The following BABAM2 variants were observed in gnomAD, a reference collection of about 807,000 sequenced individuals.
BABAM2 encodes the protein BRISC and BRCA1 A complex member 2, also known as BRISC and BRCA1-A complex member 2.
In BABAM2, 31 loss-of-function variants were observed where a neutral mutation model predicts 54.7. That is an observed-to-expected ratio of 0.57 (90% CI 0.43 to 0.77). The LOEUF is 0.77. Among genes scored for constraint, BABAM2 ranks in the 30% least tolerant of loss-of-function variants. The pLI is 0.00. For missense variants in BABAM2, 364 were observed against 455.8 expected (o/e 0.80, Z 1.83); for synonymous variants, 167 against 162.9 (o/e 1.03, Z -0.19).
intron 6 of BABAM2, among the ~76,000 whole-genome samples, chr2:28,128,768 A>C (rs569982502): frequency 1.4e-3 from 209 of 152,204 alleles, no homozygotes; most frequent in Middle Eastern, 6.8e-3. Context: ...GCCAAAGTAG[A>C]TGTGTACCTA....
intron 2 of BABAM2, among the ~76,000 whole-genome samples, chr2:27,928,054 C>T (rs908140259): frequency 6.6e-6 from 1 of 151,940 alleles, no homozygotes. Context: ...GCTCTGTGCC[C>T]AGGCTGGAGT....
chr2:27,939,161 T>C (rs1475065560), intron 3 of BABAM2, among the ~76,000 whole-genome samples: 2 of 151,758 alleles, frequency 1.3e-5, no homozygotes, highest in South Asian at 2.1e-4. Context: ...CCATGTTGGC[T>C]AGGATGGTCT....
intron 10 of BABAM2, among the ~76,000 whole-genome samples, chr2:28,291,905 G>A (rs767738456): frequency 6.6e-6 from 1 of 152,232 alleles, no homozygotes. Flanking sequence ...TAAATATATG[G>A]CAGTCTTCCC....
intron 3 of BABAM2, among the ~76,000 whole-genome samples, chr2:27,986,720 G>T (rs1446475537): frequency 6.6e-6 from 1 of 152,232 alleles, no homozygotes; most frequent in East Asian, 1.9e-4. Flanking sequence ...TTTACATTTG[G>T]ATAAAATTTT....
At chr2:28,205,538 A>G (rs142729154) in intron 7 of BABAM2, among the ~76,000 whole-genome samples, 106 of 152,086 alleles carry the variant, frequency 7.0e-4, no homozygotes, top group African/African-American at 2.5e-3. Context: ...TTTAAGTACT[A>G]TTATTACCCC....
chr2:28,310,259 C>T, intron 11 of BABAM2: 1 of 1,111,872 alleles, frequency 9.0e-7, no homozygotes, highest in Non-Finnish European at 1.3e-6. Flanking sequence ...AGCCCTCATC[C>T]CAGAGGAAGC....
In BABAM2 at chr2:28,325,062, A is replaced by C. The variant is rs1226906715; in HGVS notation, c.1089-13388A>C. ...AATCCAGTATATATAACTAAAACAA[A>C]AGTGCCACATACAGTGCACTCTGAT... On this transcript the variant is annotated intron_variant, in intron 11 of 11. Coordinates refer to ENST00000379624, the MANE Select transcript of BABAM2 (RefSeq NM_199191.3). The surrounding 1 kb of genome is among the most constrained non-coding windows in gnomAD (Gnocchi z 4.3). Among the ~76,000 whole-genome samples the C allele has an allele frequency of 6.6e-6, 1 of 152,162 alleles. No homozygotes were observed. Among genetic ancestry groups the C allele is most frequent in the African/African-American group, 2.4e-5 (1 of 41,418 alleles).
At chr2:27,938,709 G>T (rs1668663937) in intron 3 of BABAM2, among the ~76,000 whole-genome samples, 2 of 151,928 alleles carry the variant, frequency 1.3e-5, no homozygotes, top group African/African-American at 4.8e-5. Context: ...CCTTTTTAAA[G>T]AAACAGACCT....
At chr2:27,961,558 A>G (rs574004449) in intron 3 of BABAM2, among the ~76,000 whole-genome samples, 35 of 152,232 alleles carry the variant, frequency 2.3e-4, no homozygotes, top group African/African-American at 8.2e-4. Flanking sequence ...TTACTTAACA[A>G]TATTTTCAGC....
chr2:28,118,679 C>G (rs1011681550), intron 6 of BABAM2, among the ~76,000 whole-genome samples: 1 of 152,066 alleles, frequency 6.6e-6, no homozygotes, highest in African/African-American at 2.4e-5. Flanking sequence ...GTTGCCTGTT[C>G]ACTCCAACGA....
At chr2:28,133,693 C>A (rs986001879) in intron 7 of BABAM2, among the ~76,000 whole-genome samples, 2 of 152,298 alleles carry the variant, frequency 1.3e-5, no homozygotes, top group South Asian at 2.1e-4. Context: ...ATTATACTCA[C>A]GTTAACTACT....
At position 28,026,914 on chromosome 2, in the gene BABAM2, ATT is replaced by A. The variant is rs1675837636; in HGVS notation, c.495+1495_495+1496del. Reference sequence around the variant, plus strand: ...TATATATAAATATATATAAATATATATTAATATATATAAATATATATATAAAT... The same window carrying A: ...TATATATAAATATATATAAATATATAAATATATATAAATATATATATAAAT... On this transcript the variant is annotated intron_variant, in intron 5 of 11. Transcript: ENST00000379624. 1.7e-4 allele frequency among the ~76,000 whole-genome samples: 8 copies of A among 46,700 alleles called. 1 individual carries two copies. Among genetic ancestry groups the A allele is most frequent in the African/African-American group, 4.1e-4 (6 of 14,460 alleles). The allele number at this position is 46,700 out of a possible 152,430, so 30.6% of individuals were successfully genotyped here. A position where few individuals can be genotyped will look rare whatever the true frequency, so the allele number is the denominator to read the frequency against.
chr2:28,218,828 A>T (rs1680141996), intron 7 of BABAM2, among the ~76,000 whole-genome samples: 1 of 152,200 alleles, frequency 6.6e-6, no homozygotes, highest in Admixed American at 6.5e-5. Context: ...TCTACTGTAA[A>T]GAAGAGCTTT....
intron 11 of BABAM2, among the ~76,000 whole-genome samples, chr2:28,320,624 C>T (rs1689950909): frequency 6.6e-6 from 1 of 152,224 alleles, no homozygotes; most frequent in Non-Finnish European, 1.5e-5. Flanking sequence ...CTGCCGTGGC[C>T]AGGCATAGGT....
rs1573984092 is a variant in BABAM2, at chr2:28,277,338, C to A, written c.935-21000C>A. 1.3e-5 allele frequency among the ~76,000 whole-genome samples: 2 copies of A among 152,134 alleles called. 1 individual carries two copies. Among genetic ancestry groups the A allele is most frequent in the Admixed American group, 1.3e-4 (2 of 15,284 alleles). On this transcript the variant is annotated intron_variant, in intron 10 of 11. Transcript: ENST00000379624. ...CAGGCTGGTCTCAAACTCCTGACCT[C>A]AAGTGATCCTCCAGCCTCATCCTCC...
chr2:28,274,999 G>C (rs561048069), intron 10 of BABAM2, among the ~76,000 whole-genome samples: 30 of 152,320 alleles, frequency 2.0e-4, no homozygotes, highest in Non-Finnish European at 3.7e-4. Flanking sequence ...GCAGAATTCA[G>C]ACGACTCCAG....
chr2:28,118,133 G>T (rs1462075593), intron 6 of BABAM2, among the ~76,000 whole-genome samples: 2 of 152,190 alleles, frequency 1.3e-5, no homozygotes, highest in East Asian at 3.8e-4. Flanking sequence ...AGTTCAATAT[G>T]ATTCGTAAAA....
chr2:27,902,546 T>C (rs1371319300), intron 2 of BABAM2, among the ~76,000 whole-genome samples: 2 of 152,202 alleles, frequency 1.3e-5, no homozygotes, highest in African/African-American at 2.4e-5. Flanking sequence ...CACCAGTACT[T>C]GATATTGTCA....
intron 6 of BABAM2, among the ~76,000 whole-genome samples, chr2:28,075,937 T>C (rs1412854994): frequency 1.3e-5 from 2 of 152,118 alleles, no homozygotes; most frequent in Non-Finnish European, 2.9e-5. Flanking sequence ...TTGTATATTG[T>C]AGTTTATTAG....
Sources: allele counts gnomAD v4.1 joint callset (sites outside exome capture counted in the v4.1 genomes callset), GRCh38; gene constraint gnomAD v4.1.1; non-coding constraint Gnocchi (gnomAD v3.1); transcripts MANE v1.5; gene names NCBI Gene and HGNC (gene_info 2026-07-23, HGNC 2026-07-21).